PLCB4: variants seen among roughly 807,000 people sequenced by gnomAD.
PLCB4 encodes the protein phospholipase C beta 4.
Under a neutral mutation model 178.8 loss-of-function variants are expected in PLCB4, and 77 were observed. The ratio of observed to expected loss-of-function variants is 0.43; its 90% CI spans 0.36 to 0.52. The LOEUF (loss-of-function observed/expected upper bound fraction) is 0.52. Among genes scored for constraint, PLCB4 ranks in the 20% least tolerant of loss-of-function variants. The pLI is 0.00. For synonymous variants in PLCB4, 496 were observed against 490.8 expected (o/e 1.01, Z -0.14); for missense variants, 1,024 against 1,453.4 (o/e 0.70, Z 4.80).
At chr20:9,129,051 A>G (rs1417363704) in intron 2 of PLCB4, among the ~76,000 whole-genome samples, 1 of 152,146 alleles carries the variant, frequency 6.6e-6, no homozygotes, top group Non-Finnish European at 1.5e-5. Context: ...TGTATACCAC[A>G]TTTTGTTGAT....
At chr20:9,404,137 G>A (rs1022772236) in intron 20 of PLCB4, among the ~76,000 whole-genome samples, 2 of 152,170 alleles carry the variant, frequency 1.3e-5, no homozygotes, top group African/African-American at 2.4e-5. Flanking sequence ...GTGCAGTAGA[G>A]AGGAAGAGAT....
chr20:9,366,866 C>T (rs759035001), intron 9 of PLCB4, among the ~76,000 whole-genome samples: 11 of 152,216 alleles, frequency 7.2e-5, no homozygotes, highest in South Asian at 6.2e-4. Flanking sequence ...TTAGCAAATA[C>T]GCAAATCAAC....
intron 3 of PLCB4, among the ~76,000 whole-genome samples, chr20:9,288,323 C>A (rs757201133): frequency 9.8e-4 from 149 of 151,872 alleles, no homozygotes; most frequent in Middle Eastern, 6.9e-3. Context: ...TACCTCTTCA[C>A]CATTAGCTTA....
At chr20:9,318,755 T>C (rs2094927928) in intron 4 of PLCB4, among the ~76,000 whole-genome samples, 1 of 152,192 alleles carries the variant, frequency 6.6e-6, no homozygotes, top group South Asian at 2.1e-4. Flanking sequence ...ACTGATACAA[T>C]TTTTGCAAAG....
intron 7 of PLCB4, among the ~76,000 whole-genome samples, chr20:9,346,167 C>T (rs962467917): frequency 1.3e-5 from 2 of 152,156 alleles, no homozygotes; most frequent in Non-Finnish European, 2.9e-5. Flanking sequence ...ACTGTATAGG[C>T]CAGTGGCTCT....
chr20:9,222,801 A>T (rs2093816194), intron 3 of PLCB4, among the ~76,000 whole-genome samples: 1 of 152,164 alleles, frequency 6.6e-6, no homozygotes, highest in African/African-American at 2.4e-5. Flanking sequence ...TTAGAATATT[A>T]TAGAGAAACT....
chr20:9,154,503 A>G (rs2146946423), intron 2 of PLCB4, among the ~76,000 whole-genome samples: 1 of 152,284 alleles, frequency 6.6e-6, no homozygotes, highest in Non-Finnish European at 1.5e-5. Context: ...TTCTCTAATA[A>G]TGCTCAGTCG....
intron 2 of PLCB4, among the ~76,000 whole-genome samples, chr20:9,202,210 G>A (rs1376646288): frequency 6.6e-6 from 1 of 152,140 alleles, no homozygotes; most frequent in African/African-American, 2.4e-5. Flanking sequence ...ATCAGTGGTT[G>A]TGTGGGAGTG....
At chr20:9,338,314 A>G (rs965703320) in intron 6 of PLCB4, among the ~76,000 whole-genome samples, 4 of 152,144 alleles carry the variant, frequency 2.6e-5, no homozygotes, top group African/African-American at 9.7e-5. Flanking sequence ...AGGCTCTTCT[A>G]TCCAATTGCC....
intron 22 of PLCB4, 146 bp from the exon 23 acceptor site, chr20:9,408,487 A>G: frequency 1.9e-6 from 1 of 519,398 alleles, no homozygotes. Flanking sequence ...CAGGATGTCA[A>G]TGAAAGTAGG....
At chr20:9,382,865 C>T (rs1250732223) in intron 13 of PLCB4, among the ~76,000 whole-genome samples, 1 of 152,150 alleles carries the variant, frequency 6.6e-6, no homozygotes, top group East Asian at 1.9e-4. Context: ...TATCCTGGTG[C>T]CTCTAAAAGT....
chr20:9,167,454 G>C (rs1174406230), intron 2 of PLCB4, among the ~76,000 whole-genome samples: 3 of 151,778 alleles, frequency 2.0e-5, no homozygotes, highest in African/African-American at 7.3e-5. Context: ...CACTTTTTTT[G>C]TTCAACCATA....
chr20:9,407,847 A>G, intron 21 of PLCB4, 70 bp from the exon 22 acceptor site: 1 of 1,321,484 alleles, frequency 7.6e-7, no homozygotes, highest in Non-Finnish European at 1.0e-6. Context: ...TTATTAAGGA[A>G]ATCTGCAGCA....
chr20:9,116,252 A>C (rs532803584), intron 2 of PLCB4, among the ~76,000 whole-genome samples: 1 of 152,166 alleles, frequency 6.6e-6, no homozygotes, highest in Non-Finnish European at 1.5e-5. Context: ...TCCATTTCAC[A>C]TTCCCCAGAA....
At chr20:9,147,165 A>C (rs991864495) in intron 2 of PLCB4, among the ~76,000 whole-genome samples, 3 of 152,182 alleles carry the variant, frequency 2.0e-5, no homozygotes, top group Non-Finnish European at 1.5e-5. Flanking sequence ...TTGGAGGTCT[A>C]TGGTAAAATA....
chr20:9,389,719 G>A (rs2037977811), intron 15 of PLCB4, among the ~76,000 whole-genome samples, 160 bp from the exon 16 acceptor site: 1 of 152,168 alleles, frequency 6.6e-6, no homozygotes, highest in Non-Finnish European at 1.5e-5. Flanking sequence ...TATAACCACA[G>A]GGAACTCAAC....
chr20:9,320,432 T>G (rs1369120065), intron 4 of PLCB4, among the ~76,000 whole-genome samples: 2 of 152,158 alleles, frequency 1.3e-5, no homozygotes, highest in African/African-American at 4.8e-5. Context: ...CCGGCTTCCT[T>G]AGTGCATCCT....
intron 11 of PLCB4, 73 bp from the exon 12 acceptor site, chr20:9,372,974 T>C: frequency 1.5e-6 from 1 of 677,882 alleles, no homozygotes; most frequent in Non-Finnish European, 2.6e-6. Flanking sequence ...CATCAACAAA[T>C]GTCAACATGT....
At chr20:9,238,315 A>G (rs988111165) in intron 3 of PLCB4, among the ~76,000 whole-genome samples, 1 of 152,216 alleles carries the variant, frequency 6.6e-6, no homozygotes, top group East Asian at 1.9e-4. Flanking sequence ...TCGGAAAGAA[A>G]TAGTCCTTTG....
Sources: gnomAD v4.1 joint callset for allele counts (sites outside exome capture counted in the v4.1 genomes callset) on GRCh38, gnomAD v4.1.1 for gene constraint, MANE v1.5 for transcripts, NCBI Gene and HGNC (gene_info 2026-07-23, HGNC 2026-07-21) for gene names.